The following IGF2BP2 variants were observed in gnomAD, a reference collection of about 807,000 sequenced individuals.
The protein encoded by IGF2BP2 is insulin like growth factor 2 mRNA binding protein 2.
Under a neutral mutation model 75.8 loss-of-function variants are expected in IGF2BP2, and 17 were observed. The observed-to-expected ratio is 0.22, with a 90% CI of 0.15 to 0.34. The LOEUF is 0.34. Among genes scored for constraint, IGF2BP2 ranks in the 10% least tolerant of loss-of-function variants. IGF2BP2 has a pLI of 1.00. For missense variants in IGF2BP2, 516 were observed against 772.4 expected, an observed-to-expected ratio of 0.67 and a Z score of 3.93; for synonymous variants, 288 against 295.6, an observed-to-expected ratio of 0.97 and a Z score of 0.26.
chr3:185,752,486 CT>C (rs1399306504), intron 2 of IGF2BP2, among the ~76,000 whole-genome samples: 2 of 152,254 alleles, frequency 1.3e-5, no homozygotes, highest in Non-Finnish European at 2.9e-5. Context: ...ACATTTCCCC[CT>C]AATTTTGTTT....
At chr3:185,766,902 A>G (rs933194999) in intron 2 of IGF2BP2, among the ~76,000 whole-genome samples, 2 of 152,246 alleles carry the variant, frequency 1.3e-5, no homozygotes, top group African/African-American at 4.8e-5. Flanking sequence ...CCTATATCCC[A>G]AGGTGTTCAC....
In IGF2BP2 at chr3:185,821,106, G is replaced by A. The variant is rs771269037; in HGVS notation, c.239+2047C>T. ...AGTCTGATCTCAGTACACAATACCG[G>A]TCATTAGCTATCTCTCCCTTAGCCT... On this transcript the variant is annotated intron_variant, in intron 2 of 15. Transcript: ENST00000382199. 5.4e-5 allele frequency: 83 copies of A among 1,527,488 alleles called. 1 individual carries two copies. In the African/African-American group the frequency reaches 1.1e-3, roughly 20 times the overall value. 94.6% of individuals were successfully genotyped at this position (1,527,488 alleles called of 1,614,324 possible). A position where few individuals can be genotyped will look rare whatever the true frequency, so the allele number is the denominator to read the frequency against.
chr3:185,762,037 G>C (rs867456834), intron 2 of IGF2BP2, among the ~76,000 whole-genome samples: 1 of 152,114 alleles, frequency 6.6e-6, no homozygotes. Context: ...TTTTTTGCTT[G>C]TTAGTATTTG....
At chr3:185,763,439 A>G (rs1251790054) in intron 2 of IGF2BP2, among the ~76,000 whole-genome samples, 1 of 152,200 alleles carries the variant, frequency 6.6e-6, no homozygotes, top group Non-Finnish European at 1.5e-5. Context: ...ACTCAGCATT[A>G]TATTCATAAT....
At chr3:185,665,997 G>C (rs1457230988) in intron 10 of IGF2BP2, among the ~76,000 whole-genome samples, 1 of 137,318 alleles carries the variant, frequency 7.3e-6, no homozygotes, top group Non-Finnish European at 1.6e-5. Flanking sequence ...TAGGTAGATA[G>C]GTACATAGAT....
intron 6 of IGF2BP2, 139 bp downstream of exon 6, chr3:185,689,216 C>T: frequency 1.2e-6 from 1 of 823,190 alleles, no homozygotes; most frequent in Non-Finnish European, 1.9e-6. Flanking sequence ...GTTAGTAGTC[C>T]TGTTGAAAGA....
chr3:185,643,938 T>A lies in IGF2BP2; in HGVS notation c.*1593A>T, dbSNP rs933373195. Reference sequence around the variant, plus strand: ...GCGTACCCTATTAAAATTCAGGACATCTCCAATATTCTCTCTCTCTGTTTT... The same window carrying A: ...GCGTACCCTATTAAAATTCAGGACAACTCCAATATTCTCTCTCTCTGTTTT... On this transcript the variant is annotated 3_prime_UTR_variant, in exon 16 of 16. Transcript: ENST00000382199. 6.6e-6 allele frequency: 1 copy of A among 151,936 alleles called. No individual in the cohort carries two copies. Among genetic ancestry groups the A allele is most frequent in the Non-Finnish European group, 1.5e-5 (1 of 67,898 alleles). 9.4% of individuals were successfully genotyped at this position (151,936 alleles called of 1,614,324 possible). A position where few individuals can be genotyped will look rare whatever the true frequency, so the allele number is the denominator to read the frequency against.
intron 2 of IGF2BP2, among the ~76,000 whole-genome samples, chr3:185,726,728 C>A (rs557853783): frequency 6.6e-6 from 1 of 152,320 alleles, no homozygotes; most frequent in Admixed American, 6.5e-5. Flanking sequence ...ACAGGGCCTG[C>A]CTTCTGTGTG....
At chr3:185,658,098 G>A (rs780164533) in intron 11 of IGF2BP2, among the ~76,000 whole-genome samples, 7 of 152,158 alleles carry the variant, frequency 4.6e-5, no homozygotes, top group Non-Finnish European at 7.3e-5. Flanking sequence ...CAGTTCCTGC[G>A]ACCTGTGAGG....
At chr3:185,737,631 A>G (rs1729028486) in intron 2 of IGF2BP2, among the ~76,000 whole-genome samples, 1 of 152,260 alleles carries the variant, frequency 6.6e-6, no homozygotes, top group African/African-American at 2.4e-5. Context: ...CATTCGCAGT[A>G]ACAGTTACAT....
Position 185,695,864 on chromosome 3 carries a change from C to T in IGF2BP2, c.340+748G>A, listed in dbSNP as rs564488134. Reference sequence around the variant, plus strand: ...GGAGTTCAGTGGTGTAATCTCGGTTCACTGCAACCACCTCCCAGGCTCAAG... The same window carrying T: ...GGAGTTCAGTGGTGTAATCTCGGTTTACTGCAACCACCTCCCAGGCTCAAG... On this transcript the variant is annotated intron_variant, in intron 4 of 15. Coordinates refer to ENST00000382199, the MANE Select transcript of IGF2BP2 (RefSeq NM_006548.6). Among the ~76,000 whole-genome samples the T allele has an allele frequency of 6.6e-5, 10 of 152,084 alleles. 2 individuals carry two copies. The South Asian group carries it at 2.1e-3, about 32-fold the overall frequency.
In IGF2BP2 at chr3:185,675,871, C is replaced by G. The variant is rs183414771; in HGVS notation, c.855G>C (p.Leu285Phe). Residue 285 changes from leucine to phenylalanine, a missense_variant, in exon 8 of 16, where the codon TTG (leucine) becomes TTC (phenylalanine). Physicochemically the swap from Leu to Phe is conservative, Grantham distance 22 (BLOSUM62 0). Around this residue, in one of 3 missense-constraint regions of IGF2BP2, gnomAD observed 312 missense variants for 474.5 expected, o/e 0.66. Transcript: ENST00000382199. ...CTTCTTTTCCAATCAGTCTTCCAAC[C>G]AAGCCATTGTGTGCCAAGATTTTCA... The part of the protein sequence containing the change: ...IPLKILAHNG[L>F]VGRLIGKEGR... 4 of 1,613,640 alleles carry G rather than the reference C, an allele frequency of 2.5e-6. No homozygotes were observed. Among genetic ancestry groups the G allele is most frequent in the Non-Finnish European group, 3.4e-6 (4 of 1,179,944 alleles).
chr3:185,771,197 T>TG (rs1445755498), intron 2 of IGF2BP2, among the ~76,000 whole-genome samples: 3 of 152,236 alleles, frequency 2.0e-5, no homozygotes, highest in Admixed American at 2.0e-4. Flanking sequence ...CTCAGCACTT[T>TG]GGGAGGGCGA....
chr3:185,730,060 C>G (rs964960289), intron 2 of IGF2BP2, among the ~76,000 whole-genome samples: 11 of 152,172 alleles, frequency 7.2e-5, no homozygotes, highest in Non-Finnish European at 1.6e-4. Context: ...TGGGTTTCTA[C>G]TGAACCCATC....
intron 2 of IGF2BP2, among the ~76,000 whole-genome samples, chr3:185,726,970 G>A (rs1015302155): frequency 2.6e-5 from 4 of 152,148 alleles, no homozygotes; most frequent in Admixed American, 2.0e-4. Context: ...TGTAATCCCA[G>A]CACTTTGGGA....
At chr3:185,710,897 A>G (rs1287000207) in intron 2 of IGF2BP2, among the ~76,000 whole-genome samples, 1 of 152,118 alleles carries the variant, frequency 6.6e-6, no homozygotes, top group African/African-American at 2.4e-5. Context: ...ATAAAAAAAA[A>G]AACCACTTCG....
At chr3:185,706,739 TTC>T (rs1281802021) in intron 2 of IGF2BP2, among the ~76,000 whole-genome samples, 2 of 151,088 alleles carry the variant, frequency 1.3e-5, no homozygotes, top group East Asian at 3.9e-4. Flanking sequence ...CAGAGATTCC[TTC>T]TTTTTTTTTT....
chr3:185,673,203 G>A (rs1424770041), intron 9 of IGF2BP2, among the ~76,000 whole-genome samples: 2 of 152,178 alleles, frequency 1.3e-5, no homozygotes, highest in African/African-American at 4.8e-5. Flanking sequence ...TACATGGTAT[G>A]TGAATAGCCT....
chr3:185,748,505 G>C (rs1447252094), intron 2 of IGF2BP2, among the ~76,000 whole-genome samples: 2 of 152,182 alleles, frequency 1.3e-5, no homozygotes, highest in Non-Finnish European at 2.9e-5. Context: ...TCTCCTCCAA[G>C]TTTTAGAATG....
Sources: gnomAD v4.1 joint callset for allele counts (sites outside exome capture counted in the v4.1 genomes callset) on GRCh38, gnomAD v4.1.1 for gene constraint, gnomAD v4.1.1 regional missense constraint, MANE v1.5 for transcripts, NCBI Gene and HGNC (gene_info 2026-07-23, HGNC 2026-07-21) for gene names.